MECOM: variants seen among roughly 807,000 people sequenced by gnomAD.
The protein encoded by MECOM is histone-lysine N-methyltransferase MECOM.
A neutral mutation model predicts 116.3 loss-of-function variants in MECOM; 13 were observed. The observed-to-expected ratio is 0.11, with a 90% CI of 0.07 to 0.18. MECOM has a LOEUF of 0.18. Among genes scored for constraint, MECOM ranks in the 10% least tolerant of loss-of-function variants. MECOM has a pLI of 1.00. For missense variants in MECOM, 1,299 were observed against 1,509.0 expected (o/e 0.86, Z 2.31); for synonymous variants, 528 against 535.2 (o/e 0.99, Z 0.19).
intron 2 of MECOM, among the ~76,000 whole-genome samples, chr3:169,252,309 G>T (rs1756342540): frequency 6.6e-6 from 1 of 151,818 alleles, no homozygotes; most frequent in Non-Finnish European, 1.5e-5. Context: ...TTTGAGATGG[G>T]GGAGAAGATA....
chr3:169,630,481 A>T (rs1263548065), intron 1 of MECOM, among the ~76,000 whole-genome samples: 1 of 147,912 alleles, frequency 6.8e-6, no homozygotes, highest in East Asian at 2.0e-4. Context: ...AGACAGAGTC[A>T]CACTCTTGTT....
intron 1 of MECOM, among the ~76,000 whole-genome samples, chr3:169,597,846 A>G (rs1174655876): frequency 6.6e-6 from 1 of 152,220 alleles, no homozygotes; most frequent in Non-Finnish European, 1.5e-5. Context: ...TGTTATTATT[A>G]AAGGAAGACT....
intron 2 of MECOM, among the ~76,000 whole-genome samples, chr3:169,269,440 C>T (rs900491357): frequency 6.6e-6 from 1 of 151,862 alleles, no homozygotes; most frequent in Non-Finnish European, 1.5e-5. Flanking sequence ...TAACAAATTC[C>T]AAATACATGT....
intron 7 of MECOM, among the ~76,000 whole-genome samples, chr3:169,119,279 C>T (rs1730220232): frequency 6.6e-6 from 1 of 152,212 alleles, no homozygotes; most frequent in Non-Finnish European, 1.5e-5. Flanking sequence ...AGTCTCCACA[C>T]CATTTCCTGA....
At position 169,284,571 on chromosome 3, in the gene MECOM, G is replaced by GCACA. The variant is rs113527440; in HGVS notation, c.375+96612_375+96615dup. Among the ~76,000 whole-genome samples the GCACA allele has an allele frequency of 3.6e-3, 528 of 146,954 alleles. 1 individual carries two copies. Among genetic ancestry groups the GCACA allele is most frequent in the African/African-American group, 0.011 (452 of 40,312 alleles). Reference sequence around the variant, plus strand: ...CATCCTTTTTTTAAAGTATATGAGCGCACACACACACACACACACACAAAT... The same window carrying GCACA: ...CATCCTTTTTTTAAAGTATATGAGCGCACACACACACACACACACACACACAAAT... On this transcript the variant is annotated intron_variant, in intron 2 of 16. Transcript: ENST00000651503.
chr3:169,338,791 T>C (rs1014957161), intron 2 of MECOM, among the ~76,000 whole-genome samples: 2 of 152,110 alleles, frequency 1.3e-5, no homozygotes, highest in Non-Finnish European at 2.9e-5. Context: ...CATTAGACTA[T>C]AAACCCCTAG....
At chr3:169,267,363 G>A (rs1374385887) in intron 2 of MECOM, among the ~76,000 whole-genome samples, 1 of 152,188 alleles carries the variant, frequency 6.6e-6, no homozygotes, top group African/African-American at 2.4e-5. Flanking sequence ...AGACCGTATG[G>A]CCTTTAAAAC....
chr3:169,148,151 T>C (rs1036838396), intron 2 of MECOM, among the ~76,000 whole-genome samples: 2 of 152,212 alleles, frequency 1.3e-5, no homozygotes, highest in African/African-American at 4.8e-5. Context: ...TGAAAAATTA[T>C]TGGCATATAA....
intron 2 of MECOM, among the ~76,000 whole-genome samples, chr3:169,281,436 C>T (rs1711976723): frequency 6.6e-6 from 1 of 152,122 alleles, no homozygotes. Flanking sequence ...AAAGCATGAT[C>T]CCAGATAGAT....
intron 3 of MECOM, among the ~76,000 whole-genome samples, chr3:169,142,438 G>A (rs904968970): frequency 6.6e-6 from 1 of 151,850 alleles, no homozygotes; most frequent in African/African-American, 2.4e-5. Context: ...ACAGATAGTA[G>A]GTACTCAAAA....
At chr3:169,146,166 CTT>C (rs1374872574) in intron 2 of MECOM, 1 of 1,050,448 alleles carries the variant, frequency 9.5e-7, no homozygotes, top group African/African-American at 1.6e-5. Context: ...TTTAGGTAGA[CTT>C]TAGAGAAAGG....
At chr3:169,355,648 C>A (rs1482533281) in intron 2 of MECOM, among the ~76,000 whole-genome samples, 1 of 151,878 alleles carries the variant, frequency 6.6e-6, no homozygotes, top group Non-Finnish European at 1.5e-5. Flanking sequence ...GTTAAGACGG[C>A]AGTTTCCAAG....
intron 2 of MECOM, among the ~76,000 whole-genome samples, chr3:169,156,250 C>T (rs755702270): frequency 4.6e-5 from 7 of 152,146 alleles, no homozygotes; most frequent in Admixed American, 6.5e-5. Context: ...CTAGGAAATC[C>T]TTTAGTAAAG....
At chr3:169,520,645 T>C (rs1261151341) in intron 1 of MECOM, among the ~76,000 whole-genome samples, 1 of 152,252 alleles carries the variant, frequency 6.6e-6, no homozygotes, top group Non-Finnish European at 1.5e-5. Context: ...TTTCTTGGAT[T>C]ATCTCATTTC....
chr3:169,241,647 C>A (rs941157129), intron 2 of MECOM, among the ~76,000 whole-genome samples: 1 of 152,142 alleles, frequency 6.6e-6, no homozygotes, highest in African/African-American at 2.4e-5. Context: ...GTGTACTGAT[C>A]ACTTATTTGA....
intron 2 of MECOM, among the ~76,000 whole-genome samples, chr3:169,154,149 T>A (rs1429856479): frequency 6.6e-6 from 1 of 152,152 alleles, no homozygotes; most frequent in African/African-American, 2.4e-5. Context: ...CTGTGTTCTC[T>A]GCCAGTCAGT....
chr3:169,601,555 C>T (rs1767834798), intron 1 of MECOM, among the ~76,000 whole-genome samples: 1 of 152,138 alleles, frequency 6.6e-6, no homozygotes, highest in Admixed American at 6.5e-5. Flanking sequence ...CACCTTGAAA[C>T]AAGGTAGCTT....
chr3:169,216,776 A>C (rs764276268), intron 2 of MECOM, among the ~76,000 whole-genome samples: 1 of 152,308 alleles, frequency 6.6e-6, no homozygotes, highest in East Asian at 1.9e-4. Context: ...AATTTTGCAA[A>C]AGAGATATAC....
rs904251167 is a variant in MECOM, at chr3:169,313,263, G to A, written c.375+67924C>T. Among the ~76,000 whole-genome samples the A allele has an allele frequency of 2.6e-5, 4 of 152,156 alleles. No homozygotes were observed. In the East Asian group the frequency reaches 7.7e-4, roughly 29 times the overall value. On this transcript the variant is annotated intron_variant, in intron 2 of 16. Coordinates refer to ENST00000651503, the MANE Select transcript of MECOM (RefSeq NM_004991.4). The stretch of plus-strand genomic sequence containing the variant: ...CTAAAAAGAGAATCTCTTTGATGAT[G>A]TGAGATGAGGTTGGGAAAAAAAGAG...
Sources: allele counts gnomAD v4.1 joint callset (sites outside exome capture counted in the v4.1 genomes callset), GRCh38; gene constraint gnomAD v4.1.1; transcripts MANE v1.5; gene names NCBI Gene and HGNC (gene_info 2026-07-23, HGNC 2026-07-21).